PAX3: variants seen among roughly 807,000 people sequenced by gnomAD.
PAX3 encodes paired box protein Pax-3.
A neutral mutation model predicts 51.6 loss-of-function variants in PAX3; 14 were observed. The observed-to-expected ratio is 0.27, with a 90% CI of 0.18 to 0.42. The LOEUF (loss-of-function observed/expected upper bound fraction) is 0.42, where lower values mean the gene tolerates loss of function less well. PAX3 is among the 10% of genes least tolerant of loss of function. PAX3 has a pLI of 1.00. For missense variants in PAX3, 540 were observed against 642.8 expected, an observed-to-expected ratio of 0.84 and a Z score of 1.73; for synonymous variants, 280 against 253.4, an observed-to-expected ratio of 1.11 and a Z score of -1.00.
intron 4 of PAX3, among the ~76,000 whole-genome samples, chr2:222,232,504 G>T (rs546483059): frequency 6.6e-6 from 1 of 152,094 alleles, no homozygotes; most frequent in East Asian, 1.9e-4. Flanking sequence ...CAAGCACCCC[G>T]CCCCCATGCA....
At chr2:222,233,085 A>C in intron 4 of PAX3, 1 of 63,190 alleles carries the variant, frequency 1.6e-5, no homozygotes, top group Non-Finnish European at 6.0e-5. Context: ...AATGCAAAAA[A>C]AAAAAAAAAA....
chr2:222,204,429 C>T (rs1691427092), intron 7 of PAX3, among the ~76,000 whole-genome samples: 2 of 152,226 alleles, frequency 1.3e-5, no homozygotes, highest in South Asian at 4.2e-4. Context: ...TTGGAAAATT[C>T]ATGAACTTCA....
At chr2:222,281,854 G>T (rs568136578) in intron 4 of PAX3, among the ~76,000 whole-genome samples, 2 of 152,244 alleles carry the variant, frequency 1.3e-5, no homozygotes, top group South Asian at 4.1e-4. Flanking sequence ...GACCCCTTTA[G>T]ATTTCCATAG....
At chr2:222,250,574 A>G (rs79989011) in intron 4 of PAX3, among the ~76,000 whole-genome samples, 1,744 of 152,342 alleles carry the variant, frequency 0.011, 38 homozygotes, top group African/African-American at 0.038. Flanking sequence ...TACCCTAGAA[A>G]CTGAAGTGGA....
In PAX3 at chr2:222,201,205, C is replaced by T; in HGVS notation, c.*203G>A. 1.2e-6 allele frequency: 2 copies of T among 1,614,040 alleles called. No homozygotes were observed. The highest frequency in any genetic ancestry group is 1.7e-6 in the Non-Finnish European group (2 of 1,180,008). Reference sequence around the variant, plus strand: ...CTCCAGGTCTTCCTCTTCTCCACTGCTTTTGTCGAACGTGTTCAAAAGGAT... The same window carrying T: ...CTCCAGGTCTTCCTCTTCTCCACTGTTTTTGTCGAACGTGTTCAAAAGGAT... On this transcript the variant is annotated 3_prime_UTR_variant, in exon 9 of 9. Coordinates refer to ENST00000392070, the MANE Select transcript of PAX3 (RefSeq NM_181458.4).
rs57757180 is a variant in PAX3, at chr2:222,255,917, A to ATTTTTTTT, written c.587-23642_587-23635dup. 5.2e-3 allele frequency among the ~76,000 whole-genome samples: 512 copies of ATTTTTTTT among 98,288 alleles called. 13 individuals are homozygous for ATTTTTTTT. Among genetic ancestry groups the ATTTTTTTT allele is most frequent in the Middle Eastern group, 0.032 (4 of 126 alleles). 64.5% of individuals were successfully genotyped at this position (98,288 alleles called of 152,430 possible). The stretch of plus-strand genomic sequence containing the variant: ...AGGTGCACGCCACTACGCCCAGCTA[A>ATTTTTTTT]TTTTTTTTTTTTTTTTTTTTTTTGT... On this transcript the variant is annotated intron_variant, in intron 4 of 8. Transcript: ENST00000392070.
At position 222,221,333 on chromosome 2, in the gene PAX3, G is replaced by A; in HGVS notation, c.847C>T (p.Leu283=). 6.2e-7 allele frequency: 1 copy of A among 1,613,972 alleles called. No homozygotes were observed. The highest frequency in any genetic ancestry group is 8.5e-7 in the Non-Finnish European group (1 of 1,179,856). Residue 283 remains leucine (L), a synonymous_variant, in exon 6 of 9, where the codon CTG becomes TTG. Coordinates refer to ENST00000392070, the MANE Select transcript of PAX3 (RefSeq NM_181458.4). ...GGAATGAGATGGTTGAAAGCCATCA[G>A]TTGATTGGCCCCAGCTTGCTTCCTC... The part of the protein sequence containing the change: ...RWRKQAGANQ[L]MAFNHLIPGG...
chr2:222,267,857 C>T (rs957910664), intron 4 of PAX3, among the ~76,000 whole-genome samples: 6 of 152,086 alleles, frequency 3.9e-5, no homozygotes, highest in African/African-American at 1.4e-4. Context: ...ATTTGTGATT[C>T]GTCGTATTAT....
chr2:222,224,743 A>G (rs1488280041), intron 5 of PAX3, among the ~76,000 whole-genome samples: 1 of 152,210 alleles, frequency 6.6e-6, no homozygotes, highest in Non-Finnish European at 1.5e-5. Flanking sequence ...CTAACATACA[A>G]TCAATGAATA....
chr2:222,253,846 G>T (rs948565365), intron 4 of PAX3, among the ~76,000 whole-genome samples: 15 of 151,964 alleles, frequency 9.9e-5, no homozygotes, highest in African/African-American at 3.1e-4. Context: ...AAGAGATGGG[G>T]CTCTCACTAT....
chr2:222,221,307 G>A lies in PAX3; in HGVS notation c.873C>T (p.Pro291=), dbSNP rs141545923. The change falls in exon 6 of 9, where the codon CCC becomes CCT. Residue 291 remains proline, a synonymous_variant. Coordinates refer to ENST00000392070, the MANE Select transcript of PAX3 (RefSeq NM_181458.4). ...GCATGGCAGTGGGAGGGAACCCCCC[G>A]GGAATGAGATGGTTGAAAGCCATCA... ...NQLMAFNHLI[P]GGFPPTAMPT... The A allele has an allele frequency of 2.1e-3, 3,377 of 1,614,020 alleles. 8 individuals carry two copies. Among genetic ancestry groups the A allele is most frequent in the Non-Finnish European group, 2.5e-3 (3,003 of 1,179,904 alleles).
intron 4 of PAX3, among the ~76,000 whole-genome samples, chr2:222,245,056 G>A (rs573550547): frequency 1.3e-4 from 20 of 152,240 alleles, no homozygotes; most frequent in South Asian, 2.1e-4. Context: ...GCTGAGGCAC[G>A]AGAATCACTT....
At chr2:222,204,035 C>T (rs1359135738) in intron 7 of PAX3, among the ~76,000 whole-genome samples, 1 of 152,060 alleles carries the variant, frequency 6.6e-6, no homozygotes, top group East Asian at 1.9e-4. Context: ...TCCCAGGAAT[C>T]TAAGATTTTT....
chr2:222,257,867 C>G (rs1409706321), intron 4 of PAX3, among the ~76,000 whole-genome samples: 1 of 152,152 alleles, frequency 6.6e-6, no homozygotes, highest in Non-Finnish European at 1.5e-5. Flanking sequence ...CTGCATCGTC[C>G]CGGCTCAGGG....
intron 4 of PAX3, among the ~76,000 whole-genome samples, chr2:222,292,447 A>C (rs1040026940): frequency 6.6e-6 from 1 of 152,206 alleles, no homozygotes; most frequent in Non-Finnish European, 1.5e-5. Flanking sequence ...TCTTTGTAAA[A>C]GCTGGAAAAG....
At chr2:222,260,019 C>A (rs1693780436) in intron 4 of PAX3, among the ~76,000 whole-genome samples, 1 of 152,110 alleles carries the variant, frequency 6.6e-6, no homozygotes, top group African/African-American at 2.4e-5. Flanking sequence ...TAGGCACACA[C>A]CACCGGGCCT....
chr2:222,287,477 C>T (rs1280224770), intron 4 of PAX3: 1 of 152,176 alleles, frequency 6.6e-6, no homozygotes, highest in African/African-American at 2.4e-5. Context: ...TAAGATCAGG[C>T]CCAACTTGGA....
chr2:222,256,494 C>T (rs1297335160), intron 4 of PAX3, among the ~76,000 whole-genome samples: 1 of 152,026 alleles, frequency 6.6e-6, no homozygotes, highest in African/African-American at 2.4e-5. Flanking sequence ...CCCACTGAGA[C>T]AATCCCTCAG....
At chr2:222,252,974 T>A (rs1031273986) in intron 4 of PAX3, among the ~76,000 whole-genome samples, 2 of 152,138 alleles carry the variant, frequency 1.3e-5, no homozygotes, top group Non-Finnish European at 2.9e-5. Context: ...CCAACTACTC[T>A]CCCAGAAATG....
Sources: allele counts gnomAD v4.1 joint callset (sites outside exome capture counted in the v4.1 genomes callset), GRCh38; gene constraint gnomAD v4.1.1; transcripts MANE v1.5; gene names NCBI Gene and HGNC (gene_info 2026-07-23, HGNC 2026-07-21).